NCAPH2: variants seen among roughly 807,000 people sequenced by gnomAD.
NCAPH2 encodes the protein condensin-2 complex subunit H2.
NCAPH2 carries 56 observed loss-of-function variants against 88.6 expected under a neutral mutation model. That is an observed-to-expected ratio of 0.63 (90% CI 0.51 to 0.79). NCAPH2 has a LOEUF of 0.79. Among genes scored for constraint, NCAPH2 ranks in the 30% least tolerant of loss-of-function variants. The probability of loss-of-function intolerance (pLI) is 0.00; values close to 1 mark genes in which losing one functional copy is unlikely to be tolerated. For missense variants in NCAPH2, 794 were observed against 792.0 expected (o/e 1.00, Z -0.03); for synonymous variants, 378 against 313.6 (o/e 1.21, Z -2.17).
Position 50,523,706 on chromosome 22 carries a change from G to C in NCAPH2, c.*331G>C. 1 of 1,614,200 alleles carries C rather than the reference G, an allele frequency of 6.2e-7. No individual in the cohort carries two copies. The highest frequency in any genetic ancestry group is 8.5e-7 in the Non-Finnish European group (1 of 1,180,028). On this transcript the variant is annotated 3_prime_UTR_variant, in exon 20 of 20. Transcript: ENST00000420993. ...CTCCGGCCGTAGTAATCCGTGAAGA[G>C]GCCGTCAGGGTTGAGCAGGTAGATG...
At chr22:50,508,486 T>TG in intron 1 of NCAPH2, 41 bp downstream of exon 1, 1 of 131,974 alleles carries the variant, frequency 7.6e-6, no homozygotes. Flanking sequence ...GGCCGGCGGG[T>TG]GGGGCTGCGG....
chr22:50,516,663 C>T (rs2068933568), intron 2 of NCAPH2, 115 bp downstream of exon 2: 2 of 846,358 alleles, frequency 2.4e-6, no homozygotes, highest in East Asian at 5.2e-5. Flanking sequence ...TCCCTCTCTC[C>T]TCAGGTCTCA....
At position 50,524,510 on chromosome 22, in the gene NCAPH2, C is replaced by A. The variant is rs747217441; in HGVS notation, c.*1135C>A. On this transcript the variant is annotated 3_prime_UTR_variant, in exon 20 of 20. Transcript: ENST00000420993. Reference sequence around the variant, plus strand: ...CCCCTGCGACTTGAGACCAGCCACCCATCTGAAGGACCCAGCCCACGTTCA... The same window carrying A: ...CCCCTGCGACTTGAGACCAGCCACCAATCTGAAGGACCCAGCCCACGTTCA... The A allele has an allele frequency of 8.0e-7, 1 of 1,252,142 alleles. No homozygotes were observed. The highest frequency in any genetic ancestry group is 1.1e-6 in the Non-Finnish European group (1 of 870,210). The allele number at this position is 1,252,142 out of a possible 1,614,324, so 77.6% of individuals were successfully genotyped here.
intron 2 of NCAPH2, among the ~76,000 whole-genome samples, chr22:50,516,900 C>T (rs1444105734): frequency 6.6e-6 from 1 of 152,216 alleles, no homozygotes; most frequent in Non-Finnish European, 1.5e-5. Context: ...ACAACCACCA[C>T]CCTCACGGTG....
rs973626669 is a variant in NCAPH2, at chr22:50,523,479, C to G, written c.*104C>G. 6 of 1,532,144 alleles carry G rather than the reference C, an allele frequency of 3.9e-6. No homozygotes were observed. The highest frequency in any genetic ancestry group is 5.3e-6 in the Non-Finnish European group (6 of 1,136,340). The allele number at this position is 1,532,144 out of a possible 1,614,324, so 94.9% of individuals were successfully genotyped here. A position where few individuals can be genotyped will look rare whatever the true frequency, so the allele number is the denominator to read the frequency against. Reference sequence around the variant, plus strand: ...AAGCAGTGTTGCCATCTCATCTTCCCCCTAAAAACCCTTTTATGTACACCT... The same window carrying G: ...AAGCAGTGTTGCCATCTCATCTTCCGCCTAAAAACCCTTTTATGTACACCT... On this transcript the variant is annotated 3_prime_UTR_variant, in exon 20 of 20. Transcript: ENST00000420993.
rs973755835 is a variant in NCAPH2, at chr22:50,516,376, G to A, written c.109-71G>A. The A allele has an allele frequency of 4.9e-6, 7 of 1,442,474 alleles. No homozygotes were observed. In the African/African-American group the frequency reaches 9.8e-5, roughly 20 times the overall value. 89.4% of individuals were successfully genotyped at this position (1,442,474 alleles called of 1,614,324 possible). A position where few individuals can be genotyped will look rare whatever the true frequency, so the allele number is the denominator to read the frequency against. The stretch of plus-strand genomic sequence containing the variant: ...TGCTGGGCAGAGACCAAAGATGGGT[G>A]GGGCTGCCCTGGAAGAAGCGAGTGC... On this transcript the variant is annotated intron_variant, in intron 1 of 19. Coordinates refer to ENST00000420993, the MANE Select transcript of NCAPH2 (RefSeq NM_152299.4).
At position 50,517,977 on chromosome 22, in the gene NCAPH2, TC is replaced by T. The variant is rs1373402019; in HGVS notation, c.427del (p.Leu143SerfsTer39). On this transcript the variant is annotated frameshift_variant, in exon 6 of 20. Transcript: ENST00000420993. LOFTEE classifies it high-confidence loss of function. Reference protein sequence around the residue: ...DLKNDQTPSEVLIIPLLPMAL... With the variant: ...DLKNDQTPSEXLIIPLLPMAL... ...CCACCCTTGGCCTCCATGCAGGAGG[TC>T]CTCATCATCCCCCTCCTGCCCATGG... 6.2e-7 allele frequency: 1 copy of T among 1,613,006 alleles called. No homozygotes were observed. The highest frequency in any genetic ancestry group is 8.5e-7 in the Non-Finnish European group (1 of 1,179,518).
intron 1 of NCAPH2, among the ~76,000 whole-genome samples, chr22:50,511,067 C>T (rs537671396): frequency 3.0e-4 from 45 of 151,174 alleles, no homozygotes; most frequent in African/African-American, 7.5e-4. Flanking sequence ...AGGATGGTCT[C>T]GATCTCCTGA....
At chr22:50,514,108 A>G (rs2068855812) in intron 1 of NCAPH2, among the ~76,000 whole-genome samples, 7 of 152,056 alleles carry the variant, frequency 4.6e-5, no homozygotes, top group Admixed American at 4.6e-4. Context: ...CTCCGTCTCA[A>G]ACAAAACAAA....
chr22:50,517,939 G>T, intron 5 of NCAPH2, 34 bp from the exon 6 acceptor site: 1 of 1,609,022 alleles, frequency 6.2e-7, no homozygotes, highest in Non-Finnish European at 8.5e-7. Flanking sequence ...GAGTGGAAGG[G>T]TGCCTGGCTC....
rs1416793759 is a variant in NCAPH2 at position 50,521,533 on chromosome 22, C to T, written c.934-10C>T. 1.2e-6 allele frequency: 2 copies of T among 1,613,382 alleles called. No homozygotes were observed. The highest frequency in any genetic ancestry group is 1.7e-6 in the Non-Finnish European group (2 of 1,179,958). On this transcript the variant is annotated splice_polypyrimidine_tract_variant and intron_variant, in intron 10 of 19. Transcript: ENST00000420993. The stretch of plus-strand genomic sequence containing the variant: ...TACTTCTCCAGCGCCTTCTTGTGCT[C>T]TGTGCCCAGGAGACTCCAGACCCCT...
chr22:50,522,806 C>T lies in NCAPH2; in HGVS notation c.1426-15C>T. 2 of 1,612,878 alleles carry T rather than the reference C, an allele frequency of 1.2e-6. No homozygotes were observed. Among genetic ancestry groups the T allele is most frequent in the Non-Finnish European group, 1.7e-6 (2 of 1,179,706 alleles). On this transcript the variant is annotated splice_polypyrimidine_tract_variant and intron_variant, in intron 17 of 19. Transcript: ENST00000420993. The stretch of plus-strand genomic sequence containing the variant: ...CCTGCTTGGGAGGCAGTAGCTCCTG[C>T]TGATCCTCCCCTAGGAGCTCTTCAT...
chr22:50,517,068 G>T (rs1221426789), intron 2 of NCAPH2, among the ~76,000 whole-genome samples: 3 of 152,208 alleles, frequency 2.0e-5, no homozygotes, highest in Non-Finnish European at 4.4e-5. Flanking sequence ...CAGCAGGGCT[G>T]CAGGCCGTCG....
At chr22:50,513,941 G>C (rs1027543696) in intron 1 of NCAPH2, among the ~76,000 whole-genome samples, 2 of 152,168 alleles carry the variant, frequency 1.3e-5, no homozygotes, top group African/African-American at 4.8e-5. Flanking sequence ...GAAACCTGGT[G>C]TTGGAAGGAT....
chr22:50,519,756 A>G (rs749040732), intron 9 of NCAPH2: 15 of 1,003,462 alleles, frequency 1.5e-5, no homozygotes, highest in Non-Finnish European at 1.8e-5. Flanking sequence ...AACCTGATGC[A>G]TACAGAGGAA....
rs998143555 is a variant in NCAPH2, at chr22:50,519,433, C to G, written c.861+113C>G. Reference sequence around the variant, plus strand: ...GTGGTATGGCCTTGGCCCCAGACCACTGGTCTGGGGCAGAAGCCCACCTGT... The same window carrying G: ...GTGGTATGGCCTTGGCCCCAGACCAGTGGTCTGGGGCAGAAGCCCACCTGT... On this transcript the variant is annotated intron_variant, in intron 9 of 19. Transcript: ENST00000420993. 6.7e-6 allele frequency: 10 copies of G among 1,483,302 alleles called. No homozygotes were observed. In the Admixed American group the frequency reaches 1.1e-4, roughly 16 times the overall value. The allele number at this position is 1,483,302 out of a possible 1,614,324, so 91.9% of individuals were successfully genotyped here. A position where few individuals can be genotyped will look rare whatever the true frequency, so the allele number is the denominator to read the frequency against.
intron 7 of NCAPH2, 75 bp downstream of exon 7, chr22:50,518,353 G>T: frequency 6.4e-7 from 1 of 1,560,052 alleles, no homozygotes. Flanking sequence ...GGGGTGCCCT[G>T]TGCTTGCCAC....
In NCAPH2 at chr22:50,522,286, C is replaced by T. The variant is rs371369873; in HGVS notation, c.1233+35C>T. On this transcript the variant is annotated intron_variant, in intron 14 of 19. Transcript: ENST00000420993. ...AGCTGGTCAGCTGTGATCTAGGACCCCGTGGTGGCCCTGATGGGAGGTGAC... is the reference window on the plus strand; with the variant it reads ...AGCTGGTCAGCTGTGATCTAGGACCTCGTGGTGGCCCTGATGGGAGGTGAC... 1.2e-5 allele frequency: 19 copies of T among 1,608,828 alleles called. No homozygotes were observed. The African/African-American group carries it at 2.4e-4, about 20-fold the overall frequency.
chr22:50,519,141 C>A, intron 8 of NCAPH2, 49 bp from the exon 9 acceptor site: 1 of 1,500,684 alleles, frequency 6.7e-7, no homozygotes, highest in South Asian at 1.3e-5. Flanking sequence ...TTGGTGCCGT[C>A]TGGTCTCGGC....
Sources: allele counts gnomAD v4.1 joint callset (sites outside exome capture counted in the v4.1 genomes callset), GRCh38; gene constraint gnomAD v4.1.1; transcripts MANE v1.5; gene names NCBI Gene and HGNC (gene_info 2026-07-23, HGNC 2026-07-21).